The following DDR2 variants were observed in gnomAD, a reference collection of about 807,000 sequenced individuals.
DDR2 encodes the protein discoidin domain receptor tyrosine kinase 2.
A neutral mutation model predicts 94.9 loss-of-function variants in DDR2; 27 were observed. The ratio of observed to expected loss-of-function variants is 0.28; its 90% CI spans 0.21 to 0.39. The LOEUF (loss-of-function observed/expected upper bound fraction) is 0.39. Ranked by LOEUF, DDR2 falls within the 10% of genes least tolerant of loss-of-function variation. DDR2 has a pLI of 1.00. For synonymous variants in DDR2, 382 were observed against 377.2 expected, an observed-to-expected ratio of 1.01 and a Z score of -0.15; for missense variants, 783 against 1,076.0, an observed-to-expected ratio of 0.73 and a Z score of 3.81.
At chr1:162,747,335 T>G (rs950295712) in intron 3 of DDR2, among the ~76,000 whole-genome samples, 14 of 152,270 alleles carry the variant, frequency 9.2e-5, no homozygotes, top group African/African-American at 3.1e-4. Context: ...AGTGACCTGG[T>G]GGAGCTGAAA....
At chr1:162,671,085 T>C (rs781080450) in intron 2 of DDR2, among the ~76,000 whole-genome samples, 76 of 152,176 alleles carry the variant, frequency 5.0e-4, no homozygotes, top group Non-Finnish European at 9.8e-4. Flanking sequence ...TCAGCACACA[T>C]ACACGCATGG....
rs147583691 is a variant in DDR2 at position 162,752,234 on chromosome 1, G to A, written c.83-861G>A. Among the ~76,000 whole-genome samples, 9 of 152,040 alleles carry A rather than the reference G, an allele frequency of 5.9e-5. No individual in the cohort carries two copies. In the East Asian group the frequency reaches 1.7e-3, roughly 29 times the overall value. ...TATACTCTATTTTATCTGGCAATCA[G>A]GTGTCCTGAGACTCTAGCTTCCTTT... is the stretch of plus-strand genomic sequence containing the variant. On this transcript the variant is annotated intron_variant, in intron 3 of 17. Coordinates refer to ENST00000367921, the MANE Select transcript of DDR2 (RefSeq NM_006182.4).
Position 162,694,448 on chromosome 1 carries a change from C to G in DDR2, c.-27-24589C>G, listed in dbSNP as rs183377170. ...ACCTGTGGAGTTCTTTCCCCCACCT[C>G]CTCATTTTATGTTTTGCACATCCCT... is the stretch of plus-strand genomic sequence containing the variant. On this transcript the variant is annotated intron_variant, in intron 2 of 17. Transcript: ENST00000367921. 8.5e-5 allele frequency among the ~76,000 whole-genome samples: 13 copies of G among 152,258 alleles called. No individual in the cohort carries two copies. In the East Asian group the frequency reaches 2.3e-3, roughly 27 times the overall value.
At chr1:162,720,450 A>G (rs1378284242) in intron 3 of DDR2, among the ~76,000 whole-genome samples, 1 of 147,708 alleles carries the variant, frequency 6.8e-6, no homozygotes, top group Non-Finnish European at 1.5e-5. Flanking sequence ...TTCACTCAAC[A>G]TTTTGTTTAT....
At chr1:162,676,601 C>T (rs143674914) in intron 2 of DDR2, among the ~76,000 whole-genome samples, 140 of 152,306 alleles carry the variant, frequency 9.2e-4, no homozygotes, top group African/African-American at 3.3e-3. Flanking sequence ...CTCATCATTG[C>T]CTCTTGCACA....
intron 2 of DDR2, among the ~76,000 whole-genome samples, chr1:162,659,653 A>G (rs995467715): frequency 3.9e-5 from 6 of 152,196 alleles, no homozygotes; most frequent in African/African-American, 1.4e-4. Context: ...CTAGCAGGGA[A>G]GGATGACTTT....
intron 2 of DDR2, among the ~76,000 whole-genome samples, chr1:162,666,294 C>T (rs1051593262): frequency 1.3e-5 from 2 of 152,202 alleles, no homozygotes; most frequent in South Asian, 4.1e-4. Flanking sequence ...TGCTTAAGGG[C>T]AGAAAGCTTG....
chr1:162,780,421 T>TAA lies in DDR2; in HGVS notation c.*175_*176insAA. The TAA allele has an allele frequency of 1.6e-3, 2 of 1,290 alleles. No individual in the cohort carries two copies. Among genetic ancestry groups the TAA allele is most frequent in the Non-Finnish European group, 4.5e-3 (1 of 220 alleles). 0.1% of individuals were successfully genotyped at this position (1,290 alleles called of 1,614,324 possible). On this transcript the variant is annotated 3_prime_UTR_variant, in exon 18 of 18. Coordinates refer to ENST00000367921, the MANE Select transcript of DDR2 (RefSeq NM_006182.4). ...CTCCCTACCCCTGACTCATATACAC[T>TAA]TTTTTTTTTTTTTACATTAAAGAAC...
intron 3 of DDR2, among the ~76,000 whole-genome samples, chr1:162,745,614 C>G (rs1480550977): frequency 2.0e-5 from 3 of 151,672 alleles, no homozygotes; most frequent in Non-Finnish European, 4.4e-5. Flanking sequence ...TTTTGACACT[C>G]TTGTTGAAGA....
intron 3 of DDR2, among the ~76,000 whole-genome samples, chr1:162,733,585 A>G (rs1662160429): frequency 6.6e-6 from 1 of 152,116 alleles, no homozygotes; most frequent in Non-Finnish European, 1.5e-5. Context: ...TCATCCTTAT[A>G]TTACTTTGTC....
chr1:162,734,336 C>T (rs1271678029), intron 3 of DDR2, among the ~76,000 whole-genome samples: 1 of 152,190 alleles, frequency 6.6e-6, no homozygotes, highest in East Asian at 1.9e-4. Context: ...CAACAGAAAA[C>T]ACTTCCTTTA....
rs1355801253 is a variant in DDR2, at chr1:162,780,656, T to C, written c.*410T>C. 5.4e-6 allele frequency: 1 copy of C among 185,106 alleles called. No individual in the cohort carries two copies. The highest frequency in any genetic ancestry group is 1.1e-5 in the Non-Finnish European group (1 of 87,712). 11.5% of individuals were successfully genotyped at this position (185,106 alleles called of 1,614,324 possible). A position where few individuals can be genotyped will look rare whatever the true frequency, so the allele number is the denominator to read the frequency against. Reference sequence around the variant, plus strand: ...AAGAAAAACTTGAAGAATACTAATGTCTTGGGAAACATGAGATTAAGTTTA... The same window carrying C: ...AAGAAAAACTTGAAGAATACTAATGCCTTGGGAAACATGAGATTAAGTTTA... On this transcript the variant is annotated 3_prime_UTR_variant, in exon 18 of 18. Coordinates refer to ENST00000367921, the MANE Select transcript of DDR2 (RefSeq NM_006182.4).
intron 12 of DDR2, among the ~76,000 whole-genome samples, 192 bp from the exon 13 acceptor site, chr1:162,771,830 TAA>T (rs1647235927): frequency 1.3e-5 from 2 of 152,168 alleles, no homozygotes; most frequent in African/African-American, 2.4e-5. Flanking sequence ...GAATGAGAAA[TAA>T]AATGATGTTC....
chr1:162,660,874 T>C (rs2101919508), intron 2 of DDR2, among the ~76,000 whole-genome samples: 1 of 152,306 alleles, frequency 6.6e-6, no homozygotes, highest in Admixed American at 6.5e-5. Context: ...ACTGACTGAG[T>C]TGAATAGTTG....
At chr1:162,779,307 A>G (rs1156300885) in intron 17 of DDR2, among the ~76,000 whole-genome samples, 1 of 151,754 alleles carries the variant, frequency 6.6e-6, no homozygotes, top group Non-Finnish European at 1.5e-5. Context: ...AGATACTCCA[A>G]GCTTTTTTTT....
In DDR2 at chr1:162,654,942, A is replaced by G. The variant is rs138307703; in HGVS notation, c.-191-269A>G. Among the ~76,000 whole-genome samples the G allele has an allele frequency of 1.1e-3, 173 of 152,384 alleles. 1 individual carries two copies. Among genetic ancestry groups the G allele is most frequent in the African/African-American group, 4.0e-3 (165 of 41,594 alleles). On this transcript the variant is annotated intron_variant, in intron 1 of 17. Coordinates refer to ENST00000367921, the MANE Select transcript of DDR2 (RefSeq NM_006182.4). ...ATTTTGAAGATAAAGTTATTTTTAT[A>G]ACAATTATTATTCAACAAAATTACT...
chr1:162,726,873 T>C (rs1571249112), intron 3 of DDR2, among the ~76,000 whole-genome samples: 1 of 152,104 alleles, frequency 6.6e-6, no homozygotes, highest in South Asian at 2.1e-4. Flanking sequence ...GCTTCACATA[T>C]TTGCTTATTA....
intron 4 of DDR2, 41 bp downstream of exon 4, chr1:162,753,238 G>A: frequency 6.3e-7 from 1 of 1,586,150 alleles, no homozygotes; most frequent in Non-Finnish European, 8.6e-7. Context: ...TTCTGGGGTT[G>A]GGCAGATTTC....
At chr1:162,707,856 T>C (rs756912747) in intron 2 of DDR2, among the ~76,000 whole-genome samples, 1 of 152,222 alleles carries the variant, frequency 6.6e-6, no homozygotes, top group Non-Finnish European at 1.5e-5. Context: ...TTATATGCAT[T>C]ATTCCATTTA....
Sources: gnomAD v4.1 joint callset for allele counts (sites outside exome capture counted in the v4.1 genomes callset) on GRCh38, gnomAD v4.1.1 for gene constraint, MANE v1.5 for transcripts, NCBI Gene and HGNC (gene_info 2026-07-23, HGNC 2026-07-21) for gene names.